TINAG: variants seen among roughly 807,000 people sequenced by gnomAD.
The protein encoded by TINAG is tubulointerstitial nephritis antigen.
Under a neutral mutation model 72.7 loss-of-function variants are expected in TINAG, and 83 were observed. The ratio of observed to expected loss-of-function variants is 1.14; its 90% CI spans 0.96 to 1.37. The LOEUF is 1.37. Among genes scored for constraint, TINAG ranks in the 40% most tolerant of loss-of-function variants. The probability of loss-of-function intolerance (pLI) is 0.00; values close to 1 mark genes in which losing one functional copy is unlikely to be tolerated. For missense variants in TINAG, 685 were observed against 576.6 expected, an observed-to-expected ratio of 1.19 and a Z score of -1.93; for synonymous variants, 234 against 189.9, an observed-to-expected ratio of 1.23 and a Z score of -1.91.
At chr6:54,384,395 A>C (rs1764036451) in intron 10 of TINAG, among the ~76,000 whole-genome samples, 1 of 152,166 alleles carries the variant, frequency 6.6e-6, no homozygotes, top group Non-Finnish European at 1.5e-5. Flanking sequence ...CATTGCAAGA[A>C]AATCACACTC....
At chr6:54,332,331 G>T (rs1184878310) in intron 4 of TINAG, among the ~76,000 whole-genome samples, 1 of 152,076 alleles carries the variant, frequency 6.6e-6, no homozygotes, top group Non-Finnish European at 1.5e-5. Flanking sequence ...ACAACCATCT[G>T]ATCTTTGACA....
chr6:54,330,760 A>C (rs1290867185), intron 4 of TINAG, among the ~76,000 whole-genome samples: 1 of 152,206 alleles, frequency 6.6e-6, no homozygotes, highest in Admixed American at 6.5e-5. Context: ...ACAATAAAAA[A>C]TGGTAAAGGG....
intron 1 of TINAG, among the ~76,000 whole-genome samples, chr6:54,309,861 T>A (rs989900669): frequency 7.4e-6 from 1 of 134,814 alleles, no homozygotes; most frequent in East Asian, 2.2e-4. Flanking sequence ...AAAAAAAAAA[T>A]CCAGATGCCA....
Position 54,356,084 on chromosome 6 carries a change from C to T in TINAG, c.1250+1448C>T, listed in dbSNP as rs114415820. Reference sequence around the variant, plus strand: ...GAATAGTTTTAATTACTCAGCATCACTGGTCTTTGGAAGCCTATGGTAGCT... The same window carrying T: ...GAATAGTTTTAATTACTCAGCATCATTGGTCTTTGGAAGCCTATGGTAGCT... On this transcript the variant is annotated intron_variant, in intron 9 of 10. Coordinates refer to ENST00000259782, the MANE Select transcript of TINAG (RefSeq NM_014464.4). Among the ~76,000 whole-genome samples, 280 of 152,032 alleles carry T rather than the reference C, an allele frequency of 1.8e-3. 1 individual carries two copies. Among genetic ancestry groups the T allele is most frequent in the African/African-American group, 6.5e-3 (271 of 41,514 alleles).
intron 3 of TINAG, among the ~76,000 whole-genome samples, chr6:54,325,831 A>G (rs553472400): frequency 6.6e-6 from 1 of 152,316 alleles, no homozygotes; most frequent in South Asian, 2.1e-4. Flanking sequence ...AATTGTAACC[A>G]AGTTTCTAAA....
chr6:54,366,064 TC>T (rs1389710613), intron 9 of TINAG, among the ~76,000 whole-genome samples: 2 of 151,596 alleles, frequency 1.3e-5, no homozygotes, highest in Admixed American at 1.3e-4. Flanking sequence ...AGTAGAACTA[TC>T]ACTAAACAAC....
intron 10 of TINAG, among the ~76,000 whole-genome samples, chr6:54,381,296 A>T (rs1003245083): frequency 1.4e-4 from 22 of 151,892 alleles, no homozygotes; most frequent in African/African-American, 5.1e-4. Context: ...GGAACATATT[A>T]CCTCAAATAT....
chr6:54,389,175 T>C lies in TINAG; in HGVS notation c.1297-616T>C, dbSNP rs9395952. Reference sequence around the variant, plus strand: ...AATTTCACTGCTTCATACTATTTCATGCTTTGGTGTTTATGCTTTTACTGT... The same window carrying C: ...AATTTCACTGCTTCATACTATTTCACGCTTTGGTGTTTATGCTTTTACTGT... On this transcript the variant is annotated intron_variant, in intron 10 of 10. Transcript: ENST00000259782. Among the ~76,000 whole-genome samples the C allele has an allele frequency of 8.6e-3, 1,315 of 152,244 alleles. 30 individuals carry two copies. Among genetic ancestry groups the C allele is most frequent in the East Asian group, 0.049 (254 of 5,174 alleles).
At chr6:54,313,740 A>G (rs1184742084) in intron 1 of TINAG, among the ~76,000 whole-genome samples, 2 of 152,126 alleles carry the variant, frequency 1.3e-5, no homozygotes, top group Non-Finnish European at 2.9e-5. Flanking sequence ...CAAATTTTGT[A>G]TTTGTTAAAT....
intron 9 of TINAG, chr6:54,366,860 C>CTA (rs1763442382): frequency 6.6e-6 from 1 of 151,562 alleles, no homozygotes; most frequent in Non-Finnish European, 1.5e-5. Flanking sequence ...AATGCCTAAT[C>CTA]TCACAGGGAG....
chr6:54,339,227 G>C (rs1784941129), intron 4 of TINAG, among the ~76,000 whole-genome samples: 1 of 152,176 alleles, frequency 6.6e-6, no homozygotes, highest in Non-Finnish European at 1.5e-5. Context: ...GCTTAAATAA[G>C]ATAGAAACTG....
chr6:54,339,362 T>C (rs1784944063), intron 4 of TINAG, among the ~76,000 whole-genome samples: 1 of 152,200 alleles, frequency 6.6e-6, no homozygotes, highest in African/African-American at 2.4e-5. Context: ...CAAGGTCATA[T>C]AATGGTTCAA....
At chr6:54,366,607 A>G (rs948931507) in intron 9 of TINAG, among the ~76,000 whole-genome samples, 11 of 150,136 alleles carry the variant, frequency 7.3e-5, no homozygotes, top group Admixed American at 2.0e-4. Context: ...AGGGAGGGAG[A>G]GAGAGAGAGA....
chr6:54,335,078 G>GGTGGGCCACA (rs1784829023), intron 4 of TINAG, among the ~76,000 whole-genome samples: 1 of 152,004 alleles, frequency 6.6e-6, no homozygotes, highest in South Asian at 2.1e-4. Flanking sequence ...TGAGGGCCAC[G>GGTGGGCCACA]GTGGGCCACA....
At chr6:54,376,922 C>T (rs920494836) in intron 9 of TINAG, among the ~76,000 whole-genome samples, 1 of 152,066 alleles carries the variant, frequency 6.6e-6, no homozygotes, top group African/African-American at 2.4e-5. Flanking sequence ...TGTAGGGAGA[C>T]TGAAGGGCTC....
At chr6:54,308,011 T>C, upstream of TINAG, 1 of 1,545,782 alleles carries the variant, frequency 6.5e-7, no homozygotes, top group Non-Finnish European at 8.7e-7. Flanking sequence ...AGTGTGTGAC[T>C]GGGCATGATT....
At position 54,308,771 on chromosome 6, in the gene TINAG, T is replaced by C. The variant is rs1784171432; in HGVS notation, c.221T>C (p.Phe74Ser). 6.2e-7 allele frequency: 1 copy of C among 1,613,876 alleles called. No individual in the cohort carries two copies. Among genetic ancestry groups the C allele is most frequent in the Non-Finnish European group, 8.5e-7 (1 of 1,179,886 alleles). Residue 74 changes from phenylalanine (F) to serine (S), a missense_variant, in exon 1 of 11, where the codon TTC becomes TCC. Transcript: ENST00000259782. The part of the protein sequence containing the change: ...EDRDDGCVTE[F>S]YAANALCYCD... ...AGAGATGATGGCTGTGTCACTGAGTTCTATGCGGCGAATGCGTTGTGCTAC... is the reference window on the plus strand; with the variant it reads ...AGAGATGATGGCTGTGTCACTGAGTCCTATGCGGCGAATGCGTTGTGCTAC...
chr6:54,341,939 A>T (rs1169512366), intron 4 of TINAG, among the ~76,000 whole-genome samples: 4 of 152,178 alleles, frequency 2.6e-5, no homozygotes, highest in Admixed American at 1.3e-4. Flanking sequence ...ATTCATAAAA[A>T]ATAGCTAATA....
intron 9 of TINAG, among the ~76,000 whole-genome samples, chr6:54,355,616 T>C (rs756407566): frequency 8.5e-5 from 13 of 152,084 alleles, no homozygotes; most frequent in Non-Finnish European, 1.6e-4. Flanking sequence ...ATGACTGTGC[T>C]GATTTCATGA....
Sources: allele counts gnomAD v4.1 joint callset (sites outside exome capture counted in the v4.1 genomes callset), GRCh38; gene constraint gnomAD v4.1.1; transcripts MANE v1.5; gene names NCBI Gene and HGNC (gene_info 2026-07-23, HGNC 2026-07-21).